Variants in EXOC4 observed in about 807,000 individuals in gnomAD.
The protein encoded by EXOC4 is SEC8-like 1.
EXOC4 carries 71 observed loss-of-function variants against 107.2 expected under a neutral mutation model. The ratio of observed to expected loss-of-function variants is 0.66; its 90% confidence interval spans 0.55 to 0.81. The LOEUF (loss-of-function observed/expected upper bound fraction) is 0.81. Among genes scored for constraint, EXOC4 ranks in the 30% least tolerant of loss-of-function variants. The pLI, the probability that EXOC4 is intolerant of heterozygous loss-of-function variation, is 0.00. For missense variants in EXOC4, 1,108 were observed against 1,189.6 expected, an observed-to-expected ratio of 0.93 and a Z score of 1.01; for synonymous variants, 456 against 441.2, an observed-to-expected ratio of 1.03 and a Z score of -0.42.
chr7:134,023,408 T>C (rs1585329526), intron 17 of EXOC4, among the ~76,000 whole-genome samples: 1 of 152,194 alleles, frequency 6.6e-6, no homozygotes, highest in African/African-American at 2.4e-5. Flanking sequence ...TAGGTAGTAA[T>C]GACAAACTGC....
At chr7:133,662,335 C>G (rs1793712806) in intron 10 of EXOC4, among the ~76,000 whole-genome samples, 3 of 151,966 alleles carry the variant, frequency 2.0e-5, no homozygotes, top group African/African-American at 7.3e-5. Flanking sequence ...AGAAAGAAAG[C>G]CAGTTTCGGG....
chr7:133,638,775 A>G (rs919176961), intron 10 of EXOC4, among the ~76,000 whole-genome samples: 2 of 152,200 alleles, frequency 1.3e-5, no homozygotes, highest in African/African-American at 4.8e-5. Context: ...CCAACGCTGT[A>G]TTTCCAAATA....
Position 133,275,192 on chromosome 7 carries a change from G to C in EXOC4, c.276+21G>C, listed in dbSNP as rs771892113. 5 of 1,558,354 alleles carry C rather than the reference G, an allele frequency of 3.2e-6. No individual in the cohort carries two copies. The South Asian group carries it at 6.1e-5, about 19-fold the overall frequency. On this transcript the variant is annotated intron_variant, in intron 2 of 17. Transcript: ENST00000253861. ...AGCAGGTATTCCTCCTTTCTGGTCT[G>C]ATGGTGGCAGCACTTCCCATCACTA...
rs1291092427 is a variant in EXOC4 at position 133,894,693 on chromosome 7, A to C, written c.1735-906A>C. On this transcript the variant is annotated intron_variant, in intron 11 of 17. Transcript: ENST00000253861. The stretch of plus-strand genomic sequence containing the variant: ...GTCTGTTGGAATACCCTGCCGTGTG[A>C]GGTGTCAGTGTGCCCCTGCTGGGGG... 6.0e-5 allele frequency among the ~76,000 whole-genome samples: 5 copies of C among 83,140 alleles called. 2 individuals are homozygous for C. Among genetic ancestry groups the C allele is most frequent in the Non-Finnish European group, 1.1e-4 (5 of 47,190 alleles). 54.5% of individuals were successfully genotyped at this position (83,140 alleles called of 152,430 possible).
At position 133,994,706 on chromosome 7, in the gene EXOC4, A is replaced by G. The variant is rs186905069; in HGVS notation, c.2207-2786A>G. 2.1e-3 allele frequency among the ~76,000 whole-genome samples: 324 copies of G among 152,154 alleles called. 1 individual carries two copies. Among genetic ancestry groups the G allele is most frequent in the African/African-American group, 7.5e-3 (313 of 41,520 alleles). On this transcript the variant is annotated intron_variant, in intron 14 of 17. Transcript: ENST00000253861. ...GGGCTCTTCTGATATGAAGGGTAAT[A>G]CTATAGATAAATATACAACAATGTA...
intron 11 of EXOC4, among the ~76,000 whole-genome samples, chr7:133,884,448 A>G (rs1038065938): frequency 6.6e-6 from 1 of 152,164 alleles, no homozygotes; most frequent in African/African-American, 2.4e-5. Flanking sequence ...TTTATCCTAG[A>G]TAAGGAAGGA....
At chr7:134,006,972 A>G (rs1461907360) in intron 16 of EXOC4, among the ~76,000 whole-genome samples, 1 of 152,142 alleles carries the variant, frequency 6.6e-6, no homozygotes, top group Non-Finnish European at 1.5e-5. Flanking sequence ...ACCTAAGAGC[A>G]AACTACTTGT....
chr7:134,000,559 C>G (rs1025144949), intron 15 of EXOC4, among the ~76,000 whole-genome samples: 2 of 152,116 alleles, frequency 1.3e-5, no homozygotes, highest in Non-Finnish European at 2.9e-5. Context: ...AACCTGTTGT[C>G]TTTAAAGAAA....
intron 10 of EXOC4, among the ~76,000 whole-genome samples, chr7:133,755,325 A>AAT (rs1177345279): frequency 4.9e-5 from 5 of 102,132 alleles, no homozygotes; most frequent in Admixed American, 1.1e-4. Context: ...ATATATATAT[A>AAT]ATATATATAT....
At chr7:133,595,104 TG>T (rs1801636548) in intron 9 of EXOC4, among the ~76,000 whole-genome samples, 1 of 151,880 alleles carries the variant, frequency 6.6e-6, no homozygotes, top group Non-Finnish European at 1.5e-5. Context: ...GTGTAGGTAA[TG>T]GGGAGAGTAG....
chr7:133,991,086 TTG>T (rs1282923463), intron 14 of EXOC4, among the ~76,000 whole-genome samples: 1 of 152,138 alleles, frequency 6.6e-6, no homozygotes. Context: ...TCACCAGCAT[TTG>T]TCTTTTTTAT....
Position 133,253,121 on chromosome 7 carries a change from G to T in EXOC4, c.20G>T (p.Gly7Val). MAAEAA[G>V]GKYRSTVSKS... is the part of the protein sequence containing the mutation. Reference sequence around the variant, plus strand: ...TCCAAGATGGCGGCAGAAGCAGCTGGTGGGAAATACAGAAGCACAGTCAGC... The same window carrying T: ...TCCAAGATGGCGGCAGAAGCAGCTGTTGGGAAATACAGAAGCACAGTCAGC... The change falls in exon 1 of 18, where the codon GGT becomes GTT. Residue 7 changes from glycine (G) to valine (V), a missense_variant. By Grantham distance (109) the Gly-to-Val change is moderately radical (BLOSUM62 -3). Coordinates refer to ENST00000253861, the MANE Select transcript of EXOC4 (RefSeq NM_021807.4). 6.2e-7 allele frequency: 1 copy of T among 1,614,178 alleles called. No homozygotes were observed.
At chr7:133,254,639 T>G (rs1157980851) in intron 1 of EXOC4, among the ~76,000 whole-genome samples, 1 of 152,232 alleles carries the variant, frequency 6.6e-6, no homozygotes, top group Non-Finnish European at 1.5e-5. Context: ...ATTTGTTGAC[T>G]TAATGAGTAA....
chr7:133,917,507 A>G, intron 12 of EXOC4, 76 bp from the exon 13 acceptor site: 5 of 1,443,216 alleles, frequency 3.5e-6, no homozygotes, highest in Non-Finnish European at 4.7e-6. Context: ...TTTTTCCTGC[A>G]GCAAAGGTAG....
intron 3 of EXOC4, among the ~76,000 whole-genome samples, chr7:133,290,052 G>A (rs1229774247): frequency 1.3e-5 from 2 of 152,176 alleles, no homozygotes; most frequent in Non-Finnish European, 2.9e-5. Flanking sequence ...AGACTTCCAA[G>A]AAGAATTTTG....
intron 5 of EXOC4, among the ~76,000 whole-genome samples, chr7:133,338,846 C>T (rs1341357489): frequency 4.7e-5 from 7 of 149,356 alleles, no homozygotes; most frequent in East Asian, 2.0e-4. Flanking sequence ...CTCTGCTTCC[C>T]GGTTCAAGTG....
At chr7:133,561,900 A>ACCCT (rs1563108805) in intron 9 of EXOC4, among the ~76,000 whole-genome samples, 3 of 152,252 alleles carry the variant, frequency 2.0e-5, no homozygotes, top group African/African-American at 7.2e-5. Flanking sequence ...CCCGCCACCC[A>ACCCT]GAGCTGGATT....
chr7:133,787,368 TGTGTGTGTGTGTGTGTGTGTGA>T (rs763868978), intron 10 of EXOC4, among the ~76,000 whole-genome samples: 3,565 of 78,616 alleles, frequency 0.045, 158 homozygotes, highest in African/African-American at 0.11. Context: ...TGTGTGTGTG[TGTGTGTGTGTGTGTGTGTGTGA>T]GATGAGGTCT....
chr7:133,745,750 C>G (rs1361592506), intron 10 of EXOC4, among the ~76,000 whole-genome samples: 2 of 142,484 alleles, frequency 1.4e-5, no homozygotes, highest in Non-Finnish European at 3.0e-5. Context: ...TTACTTATCA[C>G]AATCCACAGT....
Sources: allele counts gnomAD v4.1 joint callset (sites outside exome capture counted in the v4.1 genomes callset), GRCh38; gene constraint gnomAD v4.1.1; transcripts MANE v1.5; gene names NCBI Gene and HGNC (gene_info 2026-07-23, HGNC 2026-07-21).